Variants in RGS8 observed in about 807,000 individuals in gnomAD.
The protein encoded by RGS8 is regulator of G-protein signaling 8.
RGS8 carries 8 observed loss-of-function variants against 21.7 expected under a neutral mutation model. The ratio of observed to expected loss-of-function variants is 0.37; its 90% CI spans 0.22 to 0.66. RGS8 has a LOEUF of 0.66. RGS8 is among the 30% of genes least tolerant of loss of function. The pLI, the probability that RGS8 is intolerant of heterozygous loss-of-function variation, is 0.59. For missense variants in RGS8, 157 were observed against 217.9 expected, an observed-to-expected ratio of 0.72 and a Z score of 1.76; for synonymous variants, 80 against 83.6, an observed-to-expected ratio of 0.96 and a Z score of 0.24.
chr1:182,652,314 T>C (rs1359250480), intron 5 of RGS8, among the ~76,000 whole-genome samples: 1 of 152,198 alleles, frequency 6.6e-6, no homozygotes, highest in Non-Finnish European at 1.5e-5. Flanking sequence ...AAAGATAGCC[T>C]TGCTAAGGAA....
At chr1:182,674,571 C>T (rs1443412621), upstream of RGS8, among the ~76,000 whole-genome samples, 1 of 152,056 alleles carries the variant, frequency 6.6e-6, no homozygotes, top group African/African-American at 2.4e-5. Flanking sequence ...AAGAGGACAC[C>T]AGCATAATCT....
At chr1:182,737,555 ACT>A in the RGS8 span, among the ~76,000 whole-genome samples, 2 of 151,358 alleles carry the variant, frequency 1.3e-5, no homozygotes, top group Non-Finnish European at 2.9e-5. Context: ...CCCTCCACAC[ACT>A]CTCTTGCCTG....
At chr1:182,745,801 C>T in the RGS8 span, among the ~76,000 whole-genome samples, 3 of 152,334 alleles carry the variant, frequency 2.0e-5, no homozygotes, top group South Asian at 6.2e-4. Flanking sequence ...CCATAGCTTC[C>T]TAGCTTGAAA....
chr1:182,734,023 C>T, the RGS8 span, among the ~76,000 whole-genome samples: 2 of 152,096 alleles, frequency 1.3e-5, no homozygotes, highest in Admixed American at 6.5e-5. Context: ...CACAGTCAAG[C>T]AATTCTCCTG....
chr1:182,740,875 G>A, the RGS8 span, among the ~76,000 whole-genome samples: 10 of 152,210 alleles, frequency 6.6e-5, no homozygotes, highest in African/African-American at 1.9e-4. Context: ...TTGGGGGTAA[G>A]GTCACCTATC....
At chr1:182,750,984 G>T in the RGS8 span, among the ~76,000 whole-genome samples, 1 of 152,162 alleles carries the variant, frequency 6.6e-6, no homozygotes, top group South Asian at 2.1e-4. Flanking sequence ...CCTGGAGAGG[G>T]GACATTTGCA....
the RGS8 span, among the ~76,000 whole-genome samples, chr1:182,720,903 ATATGTGTGTG>A: frequency 5.7e-4 from 13 of 22,636 alleles, no homozygotes; most frequent in Admixed American, 1.4e-3. Flanking sequence ...ATATATATAC[ATATGTGTGTG>A]TATATACATA....
upstream of RGS8, among the ~76,000 whole-genome samples, chr1:182,675,254 T>C (rs574422814): frequency 4.3e-4 from 66 of 152,324 alleles, no homozygotes; most frequent in African/African-American, 1.5e-3. Context: ...TGGCTTCTTT[T>C]TCTCCATTCC....
the RGS8 span, among the ~76,000 whole-genome samples, chr1:182,735,008 G>T: frequency 6.6e-6 from 1 of 152,106 alleles, no homozygotes; most frequent in Non-Finnish European, 1.5e-5. Flanking sequence ...GTACTTGAAA[G>T]TATTAATAAT....
At chr1:182,727,141 G>A in the RGS8 span, among the ~76,000 whole-genome samples, 2 of 152,180 alleles carry the variant, frequency 1.3e-5, no homozygotes, top group African/African-American at 4.8e-5. Context: ...TCTCATATAA[G>A]AAATCATACC....
chr1:182,719,397 G>A, the RGS8 span, among the ~76,000 whole-genome samples: 1 of 151,518 alleles, frequency 6.6e-6, no homozygotes, highest in Non-Finnish European at 1.5e-5. Flanking sequence ...CTAAAAAGTA[G>A]ACACATGAAT....
At chr1:182,648,051 A>G in intron 6 of RGS8, 86 bp downstream of exon 7, 1 of 1,287,580 alleles carries the variant, frequency 7.8e-7, no homozygotes, top group South Asian at 1.9e-5. Context: ...GAAAGTCCTC[A>G]TCAAGCCTGG....
At chr1:182,718,978 C>T in the RGS8 span, among the ~76,000 whole-genome samples, 2 of 152,122 alleles carry the variant, frequency 1.3e-5, no homozygotes, top group Non-Finnish European at 1.5e-5. Flanking sequence ...TGATGTGACA[C>T]CTTTTTCCCA....
At chr1:182,709,749 T>G in the RGS8 span, among the ~76,000 whole-genome samples, 5 of 152,064 alleles carry the variant, frequency 3.3e-5, no homozygotes, top group African/African-American at 1.2e-4. Flanking sequence ...TTTTTTCAAC[T>G]CCCCCCACTG....
chr1:182,742,281 C>T, the RGS8 span, among the ~76,000 whole-genome samples: 1 of 150,950 alleles, frequency 6.6e-6, no homozygotes, highest in African/African-American at 2.4e-5. Context: ...AGGGGCTCCT[C>T]ACATCCCAGA....
the RGS8 span, among the ~76,000 whole-genome samples, chr1:182,691,178 G>GAATT: frequency 6.6e-6 from 1 of 152,214 alleles, no homozygotes; most frequent in Non-Finnish European, 1.5e-5. Flanking sequence ...CTGACTCACA[G>GAATT]AATTATGACC....
chr1:182,695,169 G>A, the RGS8 span, among the ~76,000 whole-genome samples: 1 of 152,182 alleles, frequency 6.6e-6, no homozygotes, highest in East Asian at 1.9e-4. Flanking sequence ...TATTTGGCAA[G>A]AACACCTAAG....
chr1:182,717,172 T>G, the RGS8 span, among the ~76,000 whole-genome samples: 3 of 152,200 alleles, frequency 2.0e-5, no homozygotes, highest in African/African-American at 7.2e-5. Context: ...AAATGCCTGG[T>G]ACATTTTTAT....
At chr1:182,727,472 G>T in the RGS8 span, among the ~76,000 whole-genome samples, 1 of 152,144 alleles carries the variant, frequency 6.6e-6, no homozygotes, top group Admixed American at 6.5e-5. Context: ...CATTTCAAGG[G>T]AGTAAAATTG....
Sources: allele counts gnomAD v4.1 joint callset (sites outside exome capture counted in the v4.1 genomes callset), GRCh38; gene constraint gnomAD v4.1.1; transcripts MANE v1.5; gene names NCBI Gene and HGNC (gene_info 2026-07-23, HGNC 2026-07-21).